Variants in HS6ST3 observed in about 807,000 individuals in gnomAD.
The protein encoded by HS6ST3 is heparan sulfate 6-O-sulfotransferase 3, also known as heparan-sulfate 6-O-sulfotransferase 3.
Under a neutral mutation model 36.7 loss-of-function variants are expected in HS6ST3, and 12 were observed. That is an observed-to-expected ratio of 0.33 (90% CI 0.21 to 0.53). HS6ST3 has a LOEUF of 0.53. HS6ST3 is among the 20% of genes least tolerant of loss of function. HS6ST3 has a pLI of 0.95. For synonymous variants in HS6ST3, 240 were observed against 257.5 expected (o/e 0.93, Z 0.65); for missense variants, 584 against 640.9 (o/e 0.91, Z 0.96).
At chr13:96,116,361 T>G (rs983563641) in intron 1 of HS6ST3, among the ~76,000 whole-genome samples, 1 of 152,190 alleles carries the variant, frequency 6.6e-6, no homozygotes, top group South Asian at 2.1e-4. Context: ...GTCAGGTGTC[T>G]GCCCTGACCC....
At chr13:96,122,525 G>A (rs1401543723) in intron 1 of HS6ST3, among the ~76,000 whole-genome samples, 3 of 152,000 alleles carry the variant, frequency 2.0e-5, no homozygotes, top group Non-Finnish European at 4.4e-5. Flanking sequence ...GTTAGCTTTC[G>A]AATACACTAC....
At chr13:96,749,723 G>C (rs992352382) in intron 1 of HS6ST3, among the ~76,000 whole-genome samples, 1 of 151,850 alleles carries the variant, frequency 6.6e-6, no homozygotes, top group Non-Finnish European at 1.5e-5. Context: ...TTCTTCTATG[G>C]TCACTCATCT....
At chr13:96,493,408 AAAT>A (rs1238391479) in intron 1 of HS6ST3, among the ~76,000 whole-genome samples, 3 of 152,156 alleles carry the variant, frequency 2.0e-5, no homozygotes, top group South Asian at 2.1e-4. Flanking sequence ...ATATATATCT[AAAT>A]AATGATGATC....
intron 1 of HS6ST3, among the ~76,000 whole-genome samples, chr13:96,821,537 C>T (rs1049527018): frequency 2.0e-5 from 3 of 152,202 alleles, no homozygotes; most frequent in Admixed American, 6.5e-5. Flanking sequence ...AACACAGACA[C>T]AGCACTTAGA....
chr13:96,249,081 C>T (rs1261473497), intron 1 of HS6ST3, among the ~76,000 whole-genome samples: 2 of 152,108 alleles, frequency 1.3e-5, no homozygotes, highest in Non-Finnish European at 2.9e-5. Context: ...TCCCTGAAGA[C>T]GATTTTTATT....
chr13:96,746,343 CT>C (rs1876561585), intron 1 of HS6ST3, among the ~76,000 whole-genome samples: 1 of 152,006 alleles, frequency 6.6e-6, no homozygotes, highest in Non-Finnish European at 1.5e-5. Flanking sequence ...AATTCTATTA[CT>C]TTTACCTGCT....
intron 1 of HS6ST3, among the ~76,000 whole-genome samples, chr13:96,637,783 T>C (rs2056554946): frequency 6.6e-6 from 1 of 152,172 alleles, no homozygotes; most frequent in Non-Finnish European, 1.5e-5. Flanking sequence ...TAAATGGTAA[T>C]GACTTCTTGC....
At chr13:96,741,239 A>T (rs1876431130) in intron 1 of HS6ST3, among the ~76,000 whole-genome samples, 1 of 152,166 alleles carries the variant, frequency 6.6e-6, no homozygotes, top group South Asian at 2.1e-4. Flanking sequence ...CATTTTCACA[A>T]TCCCGAAGAT....
chr13:96,570,000 G>T (rs1429546854), intron 1 of HS6ST3, among the ~76,000 whole-genome samples: 5 of 152,148 alleles, frequency 3.3e-5, no homozygotes, highest in Non-Finnish European at 5.9e-5. Flanking sequence ...CTTTAAAACT[G>T]CATCATTAAC....
intron 1 of HS6ST3, among the ~76,000 whole-genome samples, chr13:96,454,983 G>A (rs2055747916): frequency 6.6e-6 from 1 of 151,818 alleles, no homozygotes; most frequent in South Asian, 2.1e-4. Context: ...CTGGGAGGGT[G>A]AGTGATGTAA....
At chr13:96,738,473 A>T (rs1349095868) in intron 1 of HS6ST3, among the ~76,000 whole-genome samples, 1 of 152,202 alleles carries the variant, frequency 6.6e-6, no homozygotes, top group Admixed American at 6.5e-5. Context: ...CAGGATGCAG[A>T]TCATGTTTCA....
intron 1 of HS6ST3, among the ~76,000 whole-genome samples, chr13:96,506,273 C>T (rs2056026159): frequency 6.6e-6 from 1 of 152,076 alleles, no homozygotes; most frequent in African/African-American, 2.4e-5. Context: ...CATTTGTCCT[C>T]AAAATACTCT....
At chr13:96,503,102 T>G (rs999417716) in intron 1 of HS6ST3, among the ~76,000 whole-genome samples, 3 of 148,466 alleles carry the variant, frequency 2.0e-5, no homozygotes, top group Non-Finnish European at 3.0e-5. Context: ...GCATATGTGG[T>G]TTTTTTTTGT....
At chr13:96,655,559 A>G (rs921341728) in intron 1 of HS6ST3, among the ~76,000 whole-genome samples, 1 of 152,066 alleles carries the variant, frequency 6.6e-6, no homozygotes, top group South Asian at 2.1e-4. Context: ...TAATTCTTCT[A>G]TTTATAAGAT....
chr13:96,395,965 G>A (rs2055418935), intron 1 of HS6ST3, among the ~76,000 whole-genome samples: 1 of 152,162 alleles, frequency 6.6e-6, no homozygotes, highest in Non-Finnish European at 1.5e-5. Context: ...GTTTGCCTGA[G>A]CCTCTGTTTC....
chr13:96,449,892 A>G (rs2055718731), intron 1 of HS6ST3, among the ~76,000 whole-genome samples: 1 of 152,172 alleles, frequency 6.6e-6, no homozygotes, highest in Non-Finnish European at 1.5e-5. Context: ...TAAAAGTTAG[A>G]ATTTCTATGA....
At chr13:96,517,071 A>G (rs1405442465) in intron 1 of HS6ST3, among the ~76,000 whole-genome samples, 8 of 152,166 alleles carry the variant, frequency 5.3e-5, no homozygotes, top group Non-Finnish European at 1.2e-4. Flanking sequence ...CCTAAATTCC[A>G]TTGGCTGAAG....
At chr13:96,495,920 C>A (rs888775588) in intron 1 of HS6ST3, among the ~76,000 whole-genome samples, 9 of 152,226 alleles carry the variant, frequency 5.9e-5, no homozygotes, top group African/African-American at 1.7e-4. Context: ...CAGCATAAGG[C>A]CCCCACGCAA....
intron 1 of HS6ST3, among the ~76,000 whole-genome samples, chr13:96,203,601 T>C (rs2054354171): frequency 6.6e-6 from 1 of 152,256 alleles, no homozygotes; most frequent in Non-Finnish European, 1.5e-5. Context: ...ATTTCCAGTT[T>C]AGAGCCTCAC....
Sources: allele counts gnomAD v4.1 joint callset (sites outside exome capture counted in the v4.1 genomes callset), GRCh38; gene constraint gnomAD v4.1.1; transcripts MANE v1.5; gene names NCBI Gene and HGNC (gene_info 2026-07-23, HGNC 2026-07-21).